HBS1L: variants seen among roughly 807,000 people sequenced by gnomAD.
The protein encoded by HBS1L is HBS1 like translational GTPase.
In HBS1L, 55 loss-of-function variants were observed where a neutral mutation model predicts 88.9. The observed-to-expected ratio is 0.62, with a 90% CI of 0.50 to 0.77. The LOEUF is 0.77. Ranked by LOEUF, HBS1L falls within the 30% of genes least tolerant of loss-of-function variation. HBS1L has a pLI of 0.00. For synonymous variants in HBS1L, 267 were observed against 288.5 expected, an observed-to-expected ratio of 0.93 and a Z score of 0.76; for missense variants, 741 against 829.3, an observed-to-expected ratio of 0.89 and a Z score of 1.31.
rs148586647 is a variant in HBS1L at position 134,974,846 on chromosome 6, G to C, written c.1797+3833C>G. Among the ~76,000 whole-genome samples the C allele has an allele frequency of 6.7e-3, 1,020 of 152,178 alleles. 13 individuals carry two copies. Among genetic ancestry groups the C allele is most frequent in the African/African-American group, 0.024 (979 of 41,510 alleles). ...GTTGAAAGCATTCCCCCTAAGAACT[G>C]AAACAAGACAAGGATGTTCACTCTC... On this transcript the variant is annotated intron_variant, in intron 15 of 17. Coordinates refer to ENST00000367837, the MANE Select transcript of HBS1L (RefSeq NM_006620.4).
At chr6:134,966,989 A>G (rs1030091210) in intron 16 of HBS1L, among the ~76,000 whole-genome samples, 2 of 152,160 alleles carry the variant, frequency 1.3e-5, no homozygotes, top group Non-Finnish European at 2.9e-5. Flanking sequence ...CCCTCAATCA[A>G]TCAAGCAATC....
chr6:135,035,657 A>C (rs536396832), intron 4 of HBS1L, among the ~76,000 whole-genome samples: 114 of 149,380 alleles, frequency 7.6e-4, no homozygotes, highest in African/African-American at 2.7e-3. Flanking sequence ...AGGCTGAGGC[A>C]GGAGAATGGC....
Position 134,997,416 on chromosome 6 carries a change from T to C in HBS1L, c.780A>G (p.Leu260=), listed in dbSNP as rs750514505. The change falls in exon 6 of 18, where the codon CTA becomes CTG. Residue 260 remains leucine, a synonymous_variant. Coordinates refer to ENST00000367837, the MANE Select transcript of HBS1L (RefSeq NM_006620.4). ...CATTACCAATGACCACTAAGTTGAG[T>C]AGCTGCTTCCCTCCTTGCCGCTTCT... The part of the protein sequence containing the change: ...ELEKRQGGKQ[L]LNLVVIGHVD... 2 of 1,613,954 alleles carry C rather than the reference T, an allele frequency of 1.2e-6. No homozygotes were observed. The highest frequency in any genetic ancestry group is 1.7e-5 in the Admixed American group (1 of 59,980).
chr6:135,041,608 G>C (rs1179490059), intron 3 of HBS1L, among the ~76,000 whole-genome samples: 2 of 151,784 alleles, frequency 1.3e-5, no homozygotes, highest in Non-Finnish European at 2.9e-5. Context: ...GGTTTTTTTT[G>C]AAACCTCTTG....
In HBS1L at chr6:134,970,004, G is replaced by T. The variant is rs193052719; in HGVS notation, c.1798-666C>A. Reference sequence around the variant, plus strand: ...GAAAATAACGTTTTTAACTATACTGGGTACAAACATTGTATGATATGATTT... The same window carrying T: ...GAAAATAACGTTTTTAACTATACTGTGTACAAACATTGTATGATATGATTT... On this transcript the variant is annotated intron_variant, in intron 15 of 17. Coordinates refer to ENST00000367837, the MANE Select transcript of HBS1L (RefSeq NM_006620.4). Among the ~76,000 whole-genome samples the T allele has an allele frequency of 2.0e-3, 311 of 152,046 alleles. 1 individual carries two copies. The highest frequency in any genetic ancestry group is 7.4e-3 in the African/African-American group (307 of 41,478).
chr6:134,979,878 A>C (rs755428314), intron 13 of HBS1L, among the ~76,000 whole-genome samples: 2 of 152,040 alleles, frequency 1.3e-5, no homozygotes, highest in Non-Finnish European at 2.9e-5. Context: ...AAAGAAAAAT[A>C]TTAAGGAAAT....
At chr6:135,043,026 A>G (rs1046182474) in intron 2 of HBS1L, among the ~76,000 whole-genome samples, 1 of 152,222 alleles carries the variant, frequency 6.6e-6, no homozygotes, top group Admixed American at 6.5e-5. Context: ...ATACTGCCAA[A>G]CATCATCACT....
chr6:135,006,880 G>C (rs186717171), intron 4 of HBS1L, among the ~76,000 whole-genome samples: 3 of 151,988 alleles, frequency 2.0e-5, no homozygotes, highest in African/African-American at 7.3e-5. Context: ...AAAGTGGCAT[G>C]GGGGATTCTG....
At chr6:135,006,943 T>A (rs182507143) in intron 4 of HBS1L, among the ~76,000 whole-genome samples, 3 of 152,298 alleles carry the variant, frequency 2.0e-5, no homozygotes, top group Admixed American at 2.0e-4. Context: ...AATGTCTCAA[T>A]CCAGCCTTTA....
At chr6:134,966,067 G>T (rs1774304658) in intron 17 of HBS1L, among the ~76,000 whole-genome samples, 1 of 152,022 alleles carries the variant, frequency 6.6e-6, no homozygotes, top group Admixed American at 6.6e-5. Flanking sequence ...CCAGCAATTA[G>T]AATTTAATAT....
intron 2 of HBS1L, among the ~76,000 whole-genome samples, chr6:135,046,263 C>T (rs755254508): frequency 2.0e-5 from 3 of 151,962 alleles, no homozygotes; most frequent in Non-Finnish European, 4.4e-5. Context: ...TTTCTTTACC[C>T]ACAGTACTGT....
chr6:135,034,045 G>A (rs1027496940), intron 4 of HBS1L, among the ~76,000 whole-genome samples: 1 of 151,958 alleles, frequency 6.6e-6, no homozygotes, highest in African/African-American at 2.4e-5. Flanking sequence ...TATAGCTTGT[G>A]ATTTAAATGA....
intron 4 of HBS1L, chr6:135,036,854 T>C (rs1232518957): frequency 6.4e-7 from 1 of 1,551,668 alleles, no homozygotes; most frequent in African/African-American, 1.4e-5. Context: ...TTGTTTTTCT[T>C]ATTATCCTTA....
At position 134,978,661 on chromosome 6, in the gene HBS1L, A is replaced by C. The variant is rs781236257; in HGVS notation, c.1797+18T>G. On this transcript the variant is annotated intron_variant, in intron 15 of 17. Transcript: ENST00000367837. Reference sequence around the variant, plus strand: ...TGAATTTATAAAAACAGGAATAATAAAACATTTTGGAACTTACAGGAAATC... The same window carrying C: ...TGAATTTATAAAAACAGGAATAATACAACATTTTGGAACTTACAGGAAATC... 7.4e-7 allele frequency: 1 copy of C among 1,354,444 alleles called. No individual in the cohort carries two copies. Among genetic ancestry groups the C allele is most frequent in the Non-Finnish European group, 1.0e-6 (1 of 964,992 alleles). The allele number at this position is 1,354,444 out of a possible 1,614,324, so 83.9% of individuals were successfully genotyped here.
chr6:135,005,251 C>T (rs1180086235), intron 4 of HBS1L, among the ~76,000 whole-genome samples: 1 of 152,172 alleles, frequency 6.6e-6, no homozygotes, highest in Non-Finnish European at 1.5e-5. Flanking sequence ...ATTTCAAAAT[C>T]CAAAAGCATT....
rs1427609303 is a variant in HBS1L at position 134,982,418 on chromosome 6, C to CTTAA, written c.1597+36_1597+39dup. ...ACTTTTTAAAAATCTGCTGTCTCAA[C>CTTAA]TTAAGGCTTGTTTAGCAAAAGCATC... On this transcript the variant is annotated intron_variant, in intron 13 of 17. Coordinates refer to ENST00000367837, the MANE Select transcript of HBS1L (RefSeq NM_006620.4). The CTTAA allele has an allele frequency of 7.7e-6, 10 of 1,293,638 alleles. No individual in the cohort carries two copies. In the South Asian group the frequency reaches 1.2e-4, roughly 16 times the overall value. The allele number at this position is 1,293,638 out of a possible 1,614,324, so 80.1% of individuals were successfully genotyped here.
At chr6:134,997,338 A>G in intron 6 of HBS1L, 59 bp downstream of exon 6, 1 of 1,593,764 alleles carries the variant, frequency 6.3e-7, no homozygotes, top group Non-Finnish European at 8.6e-7. Flanking sequence ...TGCTGCCTCC[A>G]GACAGTGGGC....
intron 12 of HBS1L, 71 bp from the exon 13 acceptor site, chr6:134,982,633 T>C (rs1774864812): frequency 1.3e-6 from 1 of 787,864 alleles, no homozygotes; most frequent in Admixed American, 2.3e-5. Flanking sequence ...TTAACTATAC[T>C]TAGTTCTCAA....
At chr6:135,042,361 T>C (rs1776766796) in intron 2 of HBS1L, among the ~76,000 whole-genome samples, 1 of 152,192 alleles carries the variant, frequency 6.6e-6, no homozygotes, top group African/African-American at 2.4e-5. Flanking sequence ...CCCCAATCTC[T>C]GAAACCATTC....
Sources: gnomAD v4.1 joint callset for allele counts (sites outside exome capture counted in the v4.1 genomes callset) on GRCh38, gnomAD v4.1.1 for gene constraint, MANE v1.5 for transcripts, NCBI Gene and HGNC (gene_info 2026-07-23, HGNC 2026-07-21) for gene names.